VCAN: variants seen among roughly 807,000 people sequenced by gnomAD.
VCAN encodes the protein versican, also known as versican core protein.
VCAN carries 44 observed loss-of-function variants against 245.5 expected under a neutral mutation model. That is an observed-to-expected ratio of 0.18 (90% CI 0.14 to 0.23). The LOEUF is 0.23. Among genes scored for constraint, VCAN ranks in the 10% least tolerant of loss-of-function variants. The probability of loss-of-function intolerance (pLI) is 1.00; values close to 1 mark genes in which losing one functional copy is unlikely to be tolerated. For missense variants in VCAN, 3,793 were observed against 4,057.9 expected, an observed-to-expected ratio of 0.93 and a Z score of 1.77; for synonymous variants, 1,413 against 1,437.0, an observed-to-expected ratio of 0.98 and a Z score of 0.38.
At chr5:83,496,807 G>A (rs1304490481) in intron 5 of VCAN, among the ~76,000 whole-genome samples, 1 of 152,158 alleles carries the variant, frequency 6.6e-6, no homozygotes, top group African/African-American at 2.4e-5. Flanking sequence ...CTTAACTGAA[G>A]TATATGTCTT....
At chr5:83,511,151 T>G in intron 5 of VCAN, among the ~76,000 whole-genome samples, 1 of 151,408 alleles carries the variant, frequency 6.6e-6, no homozygotes, top group African/African-American at 2.4e-5. Flanking sequence ...TTTCTCTCTT[T>G]TTTTTTTCGA....
chr5:83,501,869 C>T (rs1580611113), intron 5 of VCAN, among the ~76,000 whole-genome samples: 1 of 152,244 alleles, frequency 6.6e-6, no homozygotes, highest in South Asian at 2.1e-4. Context: ...ATCTCTAGAT[C>T]AACTTGGGGT....
chr5:83,535,781 T>A (rs942447900), intron 7 of VCAN: 2 of 152,174 alleles, frequency 1.3e-5, no homozygotes, highest in Non-Finnish European at 2.9e-5. Flanking sequence ...ACTTCTCAGG[T>A]TTGGCCTATG....
intron 10 of VCAN, among the ~76,000 whole-genome samples, chr5:83,552,562 T>C (rs1321031615): frequency 2.0e-5 from 3 of 152,186 alleles, no homozygotes; most frequent in Non-Finnish European, 2.9e-5. Flanking sequence ...TAGCTGATAC[T>C]GCCAGTGTAA....
chr5:83,478,370 C>T (rs1338031158), intron 1 of VCAN, among the ~76,000 whole-genome samples: 1 of 152,020 alleles, frequency 6.6e-6, no homozygotes, highest in African/African-American at 2.4e-5. Context: ...TTGGCAATCA[C>T]TTTTTTTTGA....
chr5:83,483,451 A>AT, intron 1 of VCAN, 62 bp from the exon 2 acceptor site: 8 of 1,369,022 alleles, frequency 5.8e-6, no homozygotes, highest in Middle Eastern at 3.9e-4. Context: ...AAAGCATGTG[A>AT]TTTATGACCC....
At chr5:83,488,598 T>G (rs962725699) in intron 2 of VCAN, among the ~76,000 whole-genome samples, 2 of 152,200 alleles carry the variant, frequency 1.3e-5, no homozygotes, top group Admixed American at 6.5e-5. Context: ...GTGGAATTAT[T>G]CCCTTGCAAT....
intron 5 of VCAN, among the ~76,000 whole-genome samples, chr5:83,496,752 TA>T (rs1745172183): frequency 6.6e-6 from 1 of 152,150 alleles, no homozygotes; most frequent in African/African-American, 2.4e-5. Flanking sequence ...GCTGATGAGG[TA>T]AGAGGAAGAT....
Position 83,541,268 on chromosome 5 carries a change from A to T in VCAN, c.8265A>T (p.Lys2755Asn), listed in dbSNP as rs148767682. 5.0e-5 allele frequency: 81 copies of T among 1,613,984 alleles called. No homozygotes were observed. In the African/African-American group the frequency reaches 9.6e-4, roughly 19 times the overall value. The change falls in exon 8 of 15, where the codon AAA (lysine) becomes AAT (asparagine). Residue 2755 changes from lysine (K) to asparagine (N), a missense_variant. Lys to Asn is a moderately conservative substitution (Grantham distance 94). This residue lies in a region of VCAN where 3,182 missense variants were observed against 3,250.3 expected (regional missense o/e 0.98). Transcript: ENST00000265077. The stretch of plus-strand genomic sequence containing the variant: ...CTCAGGAGGAGTATGAAGACAAAAA[A>T]CATGCTGGTCCTTCTTTTCAGCCAG... Reference protein sequence around the residue: ...ERTQEEYEDKKHAGPSFQPEF... With the variant: ...ERTQEEYEDKNHAGPSFQPEF...
chr5:83,540,782 G>A lies in VCAN; in HGVS notation c.7779G>A (p.Met2593Ile), dbSNP rs1746941008. 6.2e-7 allele frequency: 1 copy of A among 1,613,858 alleles called. No homozygotes were observed. Among genetic ancestry groups the A allele is most frequent in the Admixed American group, 1.7e-5 (1 of 59,964 alleles). The change falls in exon 8 of 15, where the codon ATG (methionine) becomes ATA (isoleucine). Residue 2593 changes from methionine (M) to isoleucine (I), a missense_variant. Met to Ile is a conservative substitution (Grantham distance 10, BLOSUM62 1). Coordinates refer to ENST00000265077, the MANE Select transcript of VCAN (RefSeq NM_004385.5). ...TKPVYEDILG[M>I]QTDIDTEVPS... ...CTGTGTATGAAGACATTCTTGGAAT[G>A]CAAACAGATATAGATACAGAGGTAC...
Position 83,539,779 on chromosome 5 carries a change from G to C in VCAN, c.6776G>C (p.Gly2259Ala). 1.9e-6 allele frequency: 3 copies of C among 1,613,980 alleles called. No homozygotes were observed. Among genetic ancestry groups the C allele is most frequent in the Non-Finnish European group, 2.5e-6 (3 of 1,179,994 alleles). Residue 2259 changes from glycine to alanine, a missense_variant, in exon 8 of 15, where the codon GGA becomes GCA. Physicochemically the swap from Gly to Ala is moderately conservative, Grantham distance 60. Transcript: ENST00000265077. ...CTCTTATTCTCTGGACTGGGATCAG[G>C]AGAAGAAGTTTTACCTACTCTACCA... Reference protein sequence around the residue: ...TELLFSGLGSGEEVLPTLPTE... With the variant: ...TELLFSGLGSAEEVLPTLPTE...
rs1561243463 is a variant in VCAN, at chr5:83,519,871, C to T, written c.1565C>T (p.Thr522Ile). The T allele has an allele frequency of 6.2e-7, 1 of 1,614,096 alleles. No homozygotes were observed. The highest frequency in any genetic ancestry group is 2.2e-5 in the East Asian group (1 of 44,874). ...CCTGTAACTGAAACACCATTGGTAA[C>T]TGCAAGAATGATCCTGGAATCCAAA... ...EFPVTETPLVTARMILESKTE... is the reference protein window; with the variant it reads ...EFPVTETPLVIARMILESKTE... Residue 522 changes from threonine to isoleucine, a missense_variant, in exon 7 of 15, where the codon ACT (threonine) becomes ATT (isoleucine). Physicochemically the swap from Thr to Ile is moderately conservative, Grantham distance 89 (BLOSUM62 -1). This residue lies in a region of VCAN where 3,182 missense variants were observed against 3,250.3 expected (regional missense o/e 0.98). Coordinates refer to ENST00000265077, the MANE Select transcript of VCAN (RefSeq NM_004385.5).
At chr5:83,531,794 A>C (rs1746530860) in intron 7 of VCAN, among the ~76,000 whole-genome samples, 1 of 152,146 alleles carries the variant, frequency 6.6e-6, no homozygotes, top group African/African-American at 2.4e-5. Context: ...TGAAGTACTT[A>C]AAAATACTTG....
chr5:83,551,308 C>T (rs1747459236), intron 10 of VCAN, among the ~76,000 whole-genome samples: 1 of 152,028 alleles, frequency 6.6e-6, no homozygotes, highest in Non-Finnish European at 1.5e-5. Flanking sequence ...GTCAGGTGTT[C>T]AAGACCAGCC....
chr5:83,496,686 C>G lies in VCAN; in HGVS notation c.748+2755C>G, dbSNP rs1006733152. ...AAGTATCAAATCTTTGGACACTGTT[C>G]TTTTCTTTCTTGGCTTGAAAGTGAG... On this transcript the variant is annotated intron_variant, in intron 5 of 14. Transcript: ENST00000265077. Among the ~76,000 whole-genome samples the G allele has an allele frequency of 4.6e-5, 7 of 152,160 alleles. No individual in the cohort carries two copies. In the East Asian group the frequency reaches 1.4e-3, roughly 29 times the overall value.
intron 12 of VCAN, among the ~76,000 whole-genome samples, chr5:83,564,694 T>C (rs1175922232): frequency 6.6e-6 from 1 of 151,582 alleles, no homozygotes; most frequent in Non-Finnish European, 1.5e-5. Context: ...TTTTTTTTTT[T>C]CACTGTGAAC....
intron 12 of VCAN, among the ~76,000 whole-genome samples, chr5:83,562,827 G>C (rs145521283): frequency 6.8e-5 from 10 of 147,070 alleles, no homozygotes; most frequent in African/African-American, 2.4e-4. Flanking sequence ...CTCTGCCTGA[G>C]GCCCCCTCTC....
chr5:83,532,508 A>T (rs1207192929), intron 7 of VCAN, among the ~76,000 whole-genome samples: 1 of 152,108 alleles, frequency 6.6e-6, no homozygotes, highest in Non-Finnish European at 1.5e-5. Context: ...GTCAGCAGAA[A>T]ATTTTAACTT....
rs756022571 is a variant in VCAN at position 83,579,974 on chromosome 5, C to T, written c.9881-6C>T. 4.2e-5 allele frequency: 68 copies of T among 1,613,868 alleles called. 1 individual carries two copies. In the Middle Eastern group the frequency reaches 8.2e-4, roughly 20 times the overall value. On this transcript the variant is annotated splice_region_variant and splice_polypyrimidine_tract_variant and intron_variant, in intron 13 of 14. Transcript: ENST00000265077. ...TTTGGAAATAACCCAATTTGCTTTCCTTTAGTCGCTTGCGGCCAGCCCCCT... is the reference window on the plus strand; with the variant it reads ...TTTGGAAATAACCCAATTTGCTTTCTTTTAGTCGCTTGCGGCCAGCCCCCT...
Sources: allele counts gnomAD v4.1 joint callset (sites outside exome capture counted in the v4.1 genomes callset), GRCh38; gene constraint gnomAD v4.1.1; regional missense constraint gnomAD v4.1.1; transcripts MANE v1.5; gene names NCBI Gene and HGNC (gene_info 2026-07-23, HGNC 2026-07-21).